Variants in LYST observed in about 807,000 individuals in gnomAD.
The protein encoded by LYST is lysosomal trafficking regulator.
Under a neutral mutation model 413.6 loss-of-function variants are expected in LYST, and 192 were observed. That is an observed-to-expected ratio of 0.46 (90% CI 0.41 to 0.52). LYST has a LOEUF of 0.52. Among genes scored for constraint, LYST ranks in the 20% least tolerant of loss-of-function variants. The probability of loss-of-function intolerance (pLI) is 0.00; values close to 1 mark genes in which losing one functional copy is unlikely to be tolerated. For missense variants in LYST, 3,815 were observed against 4,499.9 expected (o/e 0.85, Z 4.35); for synonymous variants, 1,525 against 1,567.3 (o/e 0.97, Z 0.64).
At chr1:235,833,267 A>T (rs1023549697) in intron 2 of LYST, among the ~76,000 whole-genome samples, 9 of 152,036 alleles carry the variant, frequency 5.9e-5, no homozygotes, top group Non-Finnish European at 1.0e-4. Flanking sequence ...TTTTCTTTAA[A>T]TTTTTTCTAA....
In LYST at chr1:235,815,000, C is replaced by A. The variant is rs573489514; in HGVS notation, c.193-1939G>T. On this transcript the variant is annotated intron_variant, in intron 3 of 52. Coordinates refer to ENST00000389793, the MANE Select transcript of LYST (RefSeq NM_000081.4). ...TTCTGCAATTCTCCATCCCCATCCT[C>A]CCATCTGCCAAACTGCAACTCATTC... is the stretch of plus-strand genomic sequence containing the variant. Among the ~76,000 whole-genome samples, 7 of 152,276 alleles carry A rather than the reference C, an allele frequency of 4.6e-5. No homozygotes were observed. In the East Asian group the frequency reaches 1.3e-3, roughly 29 times the overall value.
chr1:235,762,522 A>C (rs1398232758), intron 22 of LYST, among the ~76,000 whole-genome samples, 198 bp downstream of exon 22: 1 of 152,210 alleles, frequency 6.6e-6, no homozygotes, highest in Non-Finnish European at 1.5e-5. Context: ...CTATGATAAG[A>C]GAAGTCAGAG....
Position 235,809,311 on chromosome 1 carries a change from G to T in LYST, c.1507C>A (p.Arg503=). 6.2e-7 allele frequency: 1 copy of T among 1,614,054 alleles called. No individual in the cohort carries two copies. The highest frequency in any genetic ancestry group is 2.2e-5 in the East Asian group (1 of 44,878). Residue 503 remains arginine, a synonymous_variant, in exon 5 of 53, where the codon CGA becomes AGA. Coordinates refer to ENST00000389793, the MANE Select transcript of LYST (RefSeq NM_000081.4). This position sits in a 1 kb window ranked among gnomAD's most constrained non-coding sequence, Gnocchi z 4.0. ...TGCATAAAATGAGAATATTCACATCGTCTGTGCCTTTTTCTTGTACACATC... is the reference window on the plus strand; with the variant it reads ...TGCATAAAATGAGAATATTCACATCTTCTGTGCCTTTTTCTTGTACACATC... ...HSMCTRKRHR[R]CEYSHFMHHH... is the part of the protein sequence containing the mutation.
At chr1:235,671,200 AGCGTTG>A (rs1291790702) in intron 50 of LYST, among the ~76,000 whole-genome samples, 1 of 152,156 alleles carries the variant, frequency 6.6e-6, no homozygotes, top group Non-Finnish European at 1.5e-5. Context: ...AGCCTCCCAA[AGCGTTG>A]GGATTACAGG....
intron 25 of LYST, among the ~76,000 whole-genome samples, chr1:235,754,325 T>C (rs1666794971): frequency 1.3e-5 from 2 of 149,754 alleles, no homozygotes; most frequent in South Asian, 2.1e-4. Context: ...CTCTGCCTTC[T>C]GGGTTCAAGC....
chr1:235,674,094 C>T lies in LYST; in HGVS notation c.11038+2997G>A, dbSNP rs1335712465. Among the ~76,000 whole-genome samples, 2 of 152,156 alleles carry T rather than the reference C, an allele frequency of 1.3e-5. No homozygotes were observed. The highest frequency in any genetic ancestry group is 4.8e-5 in the African/African-American group (2 of 41,442). ...CGTTACTATTCCCAGAAGTTACAGG[C>T]TCTGTGGGTCAGCCCTCCAGAGCTA... is the stretch of plus-strand genomic sequence containing the variant. On this transcript the variant is annotated intron_variant, in intron 50 of 52. Coordinates refer to ENST00000389793, the MANE Select transcript of LYST (RefSeq NM_000081.4). The surrounding 1 kb of genome is among the most constrained non-coding windows in gnomAD (Gnocchi z 4.1).
rs3754231 is a variant in LYST, at chr1:235,678,599, A to T, written c.10801-980T>A. ...AAAAATATAGAAAAGTAGAAAGAAT[A>T]AGTATAATAAAGAGCTATATACTGA... On this transcript the variant is annotated intron_variant, in intron 48 of 52. Transcript: ENST00000389793. 4.4e-4 allele frequency among the ~76,000 whole-genome samples: 67 copies of T among 152,328 alleles called. 2 individuals carry two copies. In the East Asian group the frequency reaches 0.013, roughly 29 times the overall value.
intron 30 of LYST, 58 bp from the exon 31 acceptor site, chr1:235,741,686 T>C: frequency 1.6e-6 from 2 of 1,227,612 alleles, no homozygotes; most frequent in Non-Finnish European, 2.4e-6. Flanking sequence ...AATACCATGC[T>C]AGCCTCAACA....
At position 235,752,039 on chromosome 1, in the gene LYST, T is replaced by A. The variant is rs1029685124; in HGVS notation, c.7593A>T (p.Gly2531=). 8.7e-6 allele frequency: 14 copies of A among 1,611,144 alleles called. No homozygotes were observed. Among genetic ancestry groups the A allele is most frequent in the Non-Finnish European group, 1.1e-5 (13 of 1,177,996 alleles). ...TCTTGTTTTTGCTATTTTGAAGATA[T>A]CCAAGCATTACAATAAGGTCTTCAA... is the stretch of plus-strand genomic sequence containing the variant. ...RVIEDLIVML[G]YLQNSKNKRT... is the part of the protein sequence containing the mutation. Residue 2531 remains glycine, a synonymous_variant, in exon 27 of 53, where the codon GGA becomes GGT. Transcript: ENST00000389793.
chr1:235,859,611 C>T (rs1679632112), intron 1 of LYST, among the ~76,000 whole-genome samples: 1 of 151,846 alleles, frequency 6.6e-6, no homozygotes, highest in Non-Finnish European at 1.5e-5. Context: ...TCTCCAAATC[C>T]ACTCCTCCAC....
intron 16 of LYST, among the ~76,000 whole-genome samples, chr1:235,779,425 A>C (rs981924218): frequency 2.0e-5 from 3 of 152,340 alleles, no homozygotes; most frequent in African/African-American, 7.2e-5. Context: ...ACTTGAACAA[A>C]CATCTGTGTG....
rs1323599509 is a variant in LYST, at chr1:235,830,289, T to C, written c.129A>G (p.Gly43=). The C allele has an allele frequency of 1.2e-6, 2 of 1,614,118 alleles. No homozygotes were observed. Among genetic ancestry groups the C allele is most frequent in the African/African-American group, 1.3e-5 (1 of 75,046 alleles). The part of the protein sequence containing the change: ...EEEETHMATL[G]QYLVHGRGFL... The stretch of plus-strand genomic sequence containing the variant: ...ATCCTCGACCATGGACAAGGTACTG[T>C]CCAAGGGTTGCCATGTGCGTCTCCT... The change falls in exon 3 of 53, where the codon GGA becomes GGG. Residue 43 remains glycine (G), a synonymous_variant. Coordinates refer to ENST00000389793, the MANE Select transcript of LYST (RefSeq NM_000081.4).
At chr1:235,840,084 T>TTA (rs1417068672) in intron 1 of LYST, 1 of 152,186 alleles carries the variant, frequency 6.6e-6, no homozygotes, top group African/African-American at 2.4e-5. Context: ...TGCTTATTAG[T>TTA]CTGCCAGCTA....
intron 1 of LYST, among the ~76,000 whole-genome samples, chr1:235,863,105 G>A (rs570700990): frequency 9.9e-5 from 15 of 152,090 alleles, no homozygotes; most frequent in African/African-American, 3.6e-4. Flanking sequence ...AAAAAATCTT[G>A]AACTTGGCCC....
At chr1:235,783,343 T>C (rs1175776813) in intron 14 of LYST, among the ~76,000 whole-genome samples, 2 of 152,054 alleles carry the variant, frequency 1.3e-5, no homozygotes, top group Non-Finnish European at 2.9e-5. Context: ...ACCAAATAAA[T>C]GGCTGTGACT....
At chr1:235,777,643 A>G (rs1669406428) in intron 16 of LYST, among the ~76,000 whole-genome samples, 1 of 152,220 alleles carries the variant, frequency 6.6e-6, no homozygotes, top group Non-Finnish European at 1.5e-5. Flanking sequence ...ACCAGGCACT[A>G]TTCTAAGCAC....
At chr1:235,724,372 A>G (rs908374741) in intron 38 of LYST, among the ~76,000 whole-genome samples, 192 bp from the exon 39 acceptor site, 2 of 152,192 alleles carry the variant, frequency 1.3e-5, no homozygotes, top group African/African-American at 4.8e-5. Context: ...TAAAAAAAAT[A>G]GGCTTTATTT....
intron 37 of LYST, among the ~76,000 whole-genome samples, chr1:235,729,251 G>C (rs531642805): frequency 7.8e-4 from 118 of 152,250 alleles, no homozygotes; most frequent in African/African-American, 2.8e-3. Context: ...CTTATGGACA[G>C]TTATATCTGA....
At chr1:235,720,538 T>A in intron 40 of LYST, 123 bp downstream of exon 40, 1 of 922,306 alleles carries the variant, frequency 1.1e-6, no homozygotes, top group South Asian at 1.5e-5. Flanking sequence ...GTGATAGGTA[T>A]GTGGGGTCTT....
Sources: allele counts gnomAD v4.1 joint callset (sites outside exome capture counted in the v4.1 genomes callset), GRCh38; gene constraint gnomAD v4.1.1; non-coding constraint Gnocchi (gnomAD v3.1); transcripts MANE v1.5; gene names NCBI Gene and HGNC (gene_info 2026-07-23, HGNC 2026-07-21).